MAGI1: variants seen among roughly 807,000 people sequenced by gnomAD.
The protein encoded by MAGI1 is membrane associated guanylate kinase, WW and PDZ domain containing 1, also known as membrane-associated guanylate kinase, WW and PDZ domain-containing protein 1.
MAGI1 carries 58 observed loss-of-function variants against 139.9 expected under a neutral mutation model. The ratio of observed to expected loss-of-function variants is 0.41; its 90% CI spans 0.34 to 0.52. MAGI1 has a LOEUF of 0.52. MAGI1 is among the 20% of genes least tolerant of loss of function. MAGI1 has a pLI of 0.12. For synonymous variants in MAGI1, 812 were observed against 737.9 expected (o/e 1.10, Z -1.63); for missense variants, 1,874 against 1,901.6 (o/e 0.99, Z 0.27).
intron 1 of MAGI1, among the ~76,000 whole-genome samples, chr3:65,795,729 A>ACACG (rs2040087685): frequency 6.6e-6 from 1 of 150,652 alleles, no homozygotes; most frequent in African/African-American, 2.5e-5. Context: ...ACACACACGG[A>ACACG]GAGAGAGAGA....
intron 1 of MAGI1, among the ~76,000 whole-genome samples, chr3:65,741,533 C>G (rs1194835000): frequency 3.3e-5 from 5 of 152,148 alleles, no homozygotes; most frequent in Non-Finnish European, 7.4e-5. Context: ...ATAAAAAGTT[C>G]TTGTTGTTGG....
At chr3:65,435,512 T>C (rs1292677631) in intron 10 of MAGI1, among the ~76,000 whole-genome samples, 1 of 146,088 alleles carries the variant, frequency 6.8e-6, no homozygotes, top group African/African-American at 2.5e-5. Flanking sequence ...GGAAGATGGA[T>C]GGATACTGTT....
At chr3:65,708,029 T>C (rs1477698717) in intron 1 of MAGI1, among the ~76,000 whole-genome samples, 2 of 152,172 alleles carry the variant, frequency 1.3e-5, no homozygotes, top group Non-Finnish European at 2.9e-5. Flanking sequence ...CATCAAAAAG[T>C]ATGGAATTGG....
intron 2 of MAGI1, among the ~76,000 whole-genome samples, chr3:65,589,797 T>C (rs1027424786): frequency 1.3e-5 from 2 of 151,710 alleles, no homozygotes; most frequent in African/African-American, 4.8e-5. Context: ...AGGACCCTAC[T>C]TGAATGACCC....
intron 5 of MAGI1, among the ~76,000 whole-genome samples, chr3:65,455,361 T>C (rs1949321991): frequency 6.6e-6 from 1 of 152,160 alleles, no homozygotes; most frequent in Non-Finnish European, 1.5e-5. Flanking sequence ...AACCCTCTTC[T>C]TAATCCCTGG....
At chr3:65,938,336 A>G (rs1011072407) in intron 1 of MAGI1, among the ~76,000 whole-genome samples, 13 of 148,284 alleles carry the variant, frequency 8.8e-5, no homozygotes, top group African/African-American at 3.2e-4. Context: ...TAATATAAAT[A>G]TATTAAATGA....
intron 1 of MAGI1, among the ~76,000 whole-genome samples, chr3:65,943,731 C>T (rs533983157): frequency 6.6e-6 from 1 of 152,112 alleles, no homozygotes; most frequent in South Asian, 2.1e-4. Flanking sequence ...TAATCTTGTC[C>T]TACAATTTGA....
chr3:65,520,107 C>T (rs551017559), intron 2 of MAGI1, among the ~76,000 whole-genome samples: 1 of 152,344 alleles, frequency 6.6e-6, no homozygotes, highest in South Asian at 2.1e-4. Flanking sequence ...AGTGGACTGG[C>T]TAGATCCCGT....
chr3:65,502,832 A>G (rs2107707554), intron 2 of MAGI1, among the ~76,000 whole-genome samples: 1 of 152,334 alleles, frequency 6.6e-6, no homozygotes, highest in East Asian at 1.9e-4. Context: ...CAATGTGAAA[A>G]GAAAAGGTGT....
chr3:65,484,992 C>T (rs548446753), intron 3 of MAGI1, among the ~76,000 whole-genome samples: 3 of 152,302 alleles, frequency 2.0e-5, no homozygotes, highest in Non-Finnish European at 2.9e-5. Context: ...TCAGGCCTGA[C>T]GCAGTGCCAG....
At chr3:65,448,441 A>G (rs2107470925) in intron 6 of MAGI1, among the ~76,000 whole-genome samples, 1 of 152,294 alleles carries the variant, frequency 6.6e-6, no homozygotes, top group African/African-American at 2.4e-5. Flanking sequence ...TAATCCTTCA[A>G]TAATCCTCTA....
chr3:65,700,172 G>C (rs917327002), intron 1 of MAGI1, among the ~76,000 whole-genome samples: 1 of 152,146 alleles, frequency 6.6e-6, no homozygotes, highest in African/African-American at 2.4e-5. Context: ...GGCTGGGCGC[G>C]GTGACTCACG....
At chr3:65,901,090 A>G (rs1039376946) in intron 1 of MAGI1, among the ~76,000 whole-genome samples, 3 of 152,240 alleles carry the variant, frequency 2.0e-5, no homozygotes, top group Admixed American at 6.5e-5. Flanking sequence ...GGTATGCTTC[A>G]GATACCCTTA....
At chr3:65,790,595 A>T (rs1392662758) in intron 1 of MAGI1, among the ~76,000 whole-genome samples, 1 of 152,232 alleles carries the variant, frequency 6.6e-6, no homozygotes, top group Non-Finnish European at 1.5e-5. Flanking sequence ...TTAGATCTTG[A>T]TAAGGTAGCA....
chr3:65,864,371 G>A (rs1007107972), intron 1 of MAGI1, among the ~76,000 whole-genome samples: 1 of 152,186 alleles, frequency 6.6e-6, no homozygotes, highest in Admixed American at 6.5e-5. Flanking sequence ...GTACAGGCCA[G>A]GGTTAATTTC....
chr3:65,877,379 G>C (rs2060157182), intron 1 of MAGI1, among the ~76,000 whole-genome samples: 1 of 152,016 alleles, frequency 6.6e-6, no homozygotes, highest in South Asian at 2.1e-4. Context: ...CAATACTTAG[G>C]GCACAAACAT....
At chr3:65,863,393 C>T (rs558397610) in intron 1 of MAGI1, among the ~76,000 whole-genome samples, 102 of 152,322 alleles carry the variant, frequency 6.7e-4, no homozygotes, top group Admixed American at 2.0e-3. Flanking sequence ...TAATCCTTAA[C>T]ACACTAGCTG....
At chr3:65,614,251 T>G (rs1370657750) in intron 2 of MAGI1, among the ~76,000 whole-genome samples, 1 of 152,198 alleles carries the variant, frequency 6.6e-6, no homozygotes, top group African/African-American at 2.4e-5. Flanking sequence ...CTGAAGGTGC[T>G]GGAAGGGCCT....
chr3:65,533,016 T>G (rs1304742317), intron 2 of MAGI1: 1 of 152,218 alleles, frequency 6.6e-6, no homozygotes, highest in Non-Finnish European at 1.5e-5. Context: ...TTATCTACTT[T>G]GTAAATGTCT....
Sources: gnomAD v4.1 joint callset for allele counts (sites outside exome capture counted in the v4.1 genomes callset) on GRCh38, gnomAD v4.1.1 for gene constraint, MANE v1.5 for transcripts, NCBI Gene and HGNC (gene_info 2026-07-23, HGNC 2026-07-21) for gene names.